The following LETM1 variants were observed in gnomAD, a reference collection of about 807,000 sequenced individuals.
The protein encoded by LETM1 is mitochondrial proton/calcium exchanger protein.
In LETM1, 50 loss-of-function variants were observed where a neutral mutation model predicts 74.5. That is an observed-to-expected ratio of 0.67 (90% CI 0.53 to 0.85). The LOEUF is 0.85. Among genes scored for constraint, LETM1 ranks in the 40% least tolerant of loss-of-function variants. LETM1 has a pLI of 0.00. For synonymous variants in LETM1, 446 were observed against 407.1 expected, an observed-to-expected ratio of 1.10 and a Z score of -1.15; for missense variants, 824 against 967.8, an observed-to-expected ratio of 0.85 and a Z score of 1.97.
intron 4 of LETM1, among the ~76,000 whole-genome samples, chr4:1,835,713 C>G (rs571119070): frequency 6.6e-6 from 1 of 152,290 alleles, no homozygotes; most frequent in Admixed American, 6.5e-5. Flanking sequence ...CTGGCTGACC[C>G]TGCCCTAGAA....
intron 7 of LETM1, 33 bp from the exon 8 acceptor site, chr4:1,823,808 G>A: frequency 6.3e-7 from 1 of 1,586,374 alleles, no homozygotes. Flanking sequence ...CAGATGGGCA[G>A]CCCCCCAACC....
intron 3 of LETM1, among the ~76,000 whole-genome samples, chr4:1,838,322 T>A (rs1712526954): frequency 6.6e-6 from 1 of 151,942 alleles, no homozygotes; most frequent in Admixed American, 6.5e-5. Flanking sequence ...ATGGTCTCGA[T>A]CTCTTGACCT....
At chr4:1,841,326 G>A (rs1303930808) in intron 3 of LETM1, 21 bp downstream of exon 3, 1 of 1,603,416 alleles carries the variant, frequency 6.2e-7, no homozygotes, top group Non-Finnish European at 8.5e-7. Flanking sequence ...GAAAAGAAAG[G>A]ACTAGACATG....
At chr4:1,830,343 T>A (rs1712221697) in intron 6 of LETM1, among the ~76,000 whole-genome samples, 1 of 152,222 alleles carries the variant, frequency 6.6e-6, no homozygotes, top group Admixed American at 6.5e-5. Context: ...CTTTTTCAAA[T>A]TTTTTTGAGA....
intron 2 of LETM1, among the ~76,000 whole-genome samples, chr4:1,848,358 C>G (rs1170598693): frequency 6.6e-6 from 1 of 151,998 alleles, no homozygotes; most frequent in Non-Finnish European, 1.5e-5. Context: ...ACCATCCTGG[C>G]TAACACGGTG....
Position 1,822,371 on chromosome 4 carries a change from C to T in LETM1, c.1477-59G>A, listed in dbSNP as rs1711812853. The T allele has an allele frequency of 6.5e-6, 9 of 1,380,970 alleles. No individual in the cohort carries two copies. The East Asian group carries it at 1.7e-4, about 25-fold the overall frequency. 85.5% of individuals were successfully genotyped at this position (1,380,970 alleles called of 1,614,324 possible). ...CCATCACACAGAAGCAGTCTTCTTG[C>T]TCCCCGAAGCTCAGAACATATGGCA... On this transcript the variant is annotated intron_variant, in intron 9 of 13. Coordinates refer to ENST00000302787, the MANE Select transcript of LETM1 (RefSeq NM_012318.3).
At position 1,834,672 on chromosome 4, in the gene LETM1, G is replaced by A. The variant is rs944015771; in HGVS notation, c.876+173C>T. 342 of 1,443,446 alleles carry A rather than the reference G, an allele frequency of 2.4e-4. 1 individual carries two copies. The highest frequency in any genetic ancestry group is 3.0e-4 in the Non-Finnish European group (331 of 1,102,582). The allele number at this position is 1,443,446 out of a possible 1,614,324, so 89.4% of individuals were successfully genotyped here. On this transcript the variant is annotated intron_variant, in intron 5 of 13. Transcript: ENST00000302787. This position sits in a 1 kb window ranked among gnomAD's most constrained non-coding sequence, Gnocchi z 5.0. ...CCACAGCTTAACTCACTGGGAGCTC[G>A]TGGGGGCAGACTCCTGACACTCCAC...
At chr4:1,848,421 G>A (rs975205338) in intron 2 of LETM1, among the ~76,000 whole-genome samples, 1 of 151,880 alleles carries the variant, frequency 6.6e-6, no homozygotes, top group Non-Finnish European at 1.5e-5. Context: ...GGTGGCGGGC[G>A]CCTGTAGTTC....
chr4:1,829,341 G>A (rs190640449), intron 6 of LETM1, among the ~76,000 whole-genome samples: 4,262 of 149,016 alleles, frequency 0.029, 202 homozygotes, highest in African/African-American at 0.1. Flanking sequence ...CTGGCCAGGC[G>A]GAGGGCTGAC....
Position 1,819,484 on chromosome 4 carries a change from A to T in LETM1, c.1609-12T>A, listed in dbSNP as rs1711696664. On this transcript the variant is annotated splice_polypyrimidine_tract_variant and intron_variant, in intron 10 of 13. Transcript: ENST00000302787. Reference sequence around the variant, plus strand: ...GTGATCTCTTCCTCCTGGGATAAAAATGGGCAAACAACAAAGCCTGAGCCA... The same window carrying T: ...GTGATCTCTTCCTCCTGGGATAAAATTGGGCAAACAACAAAGCCTGAGCCA... 1.2e-6 allele frequency: 2 copies of T among 1,608,982 alleles called. No homozygotes were observed. The highest frequency in any genetic ancestry group is 1.7e-6 in the Non-Finnish European group (2 of 1,177,602).
rs1269067802 is a variant in LETM1, at chr4:1,843,620, G to A, written c.144-1823C>T. Among the ~76,000 whole-genome samples, 3 of 152,344 alleles carry A rather than the reference G, an allele frequency of 2.0e-5. No individual in the cohort carries two copies. In the East Asian group the frequency reaches 5.8e-4, roughly 29 times the overall value. ...GAGGTTCTCAAGAATACGGGAAATA[G>A]ACACGTGGAAGGTGCCTGGTGGACA... On this transcript the variant is annotated intron_variant, in intron 2 of 13. Coordinates refer to ENST00000302787, the MANE Select transcript of LETM1 (RefSeq NM_012318.3).
Position 1,832,722 on chromosome 4 carries a change from C to T in LETM1, c.1080+22G>A, listed in dbSNP as rs144033695. 584 of 1,608,832 alleles carry T rather than the reference C, an allele frequency of 3.6e-4. 5 individuals are homozygous for T. In the South Asian group the frequency reaches 4.0e-3, roughly 11 times the overall value. On this transcript the variant is annotated intron_variant, in intron 6 of 13. Coordinates refer to ENST00000302787, the MANE Select transcript of LETM1 (RefSeq NM_012318.3). ...AAAAGGTAAAACACCAGAGCTGTGG[C>T]GCGGAGTATGGCCAGGCTCACCTTG... is the stretch of plus-strand genomic sequence containing the variant.
At chr4:1,838,041 G>A (rs1712515535) in intron 3 of LETM1, among the ~76,000 whole-genome samples, 1 of 152,036 alleles carries the variant, frequency 6.6e-6, no homozygotes, top group Non-Finnish European at 1.5e-5. Context: ...AAACACAAAA[G>A]CAGAACTGCA....
At chr4:1,833,134 T>G in intron 5 of LETM1, 187 bp from the exon 6 acceptor site, 1 of 590,440 alleles carries the variant, frequency 1.7e-6, no homozygotes, top group Admixed American at 2.9e-5. Flanking sequence ...TGCAGTGGTG[T>G]AATCTCGGTT....
intron 6 of LETM1, among the ~76,000 whole-genome samples, chr4:1,831,361 G>A (rs761055756): frequency 4.6e-5 from 7 of 152,228 alleles, no homozygotes; most frequent in Non-Finnish European, 7.3e-5. Flanking sequence ...CGCTGGGAAC[G>A]GGTGGGTGGG....
intron 2 of LETM1, among the ~76,000 whole-genome samples, chr4:1,844,913 C>T (rs1425810206): frequency 6.1e-5 from 9 of 147,892 alleles, no homozygotes; most frequent in African/African-American, 2.0e-4. Flanking sequence ...AAAAAAAGGC[C>T]AGGCACAGTG....
At chr4:1,815,874 T>TC in intron 12 of LETM1, 72 bp from the exon 13 acceptor site, 1 of 1,572,788 alleles carries the variant, frequency 6.4e-7, no homozygotes, top group Non-Finnish European at 8.7e-7. Context: ...CCCACACCTG[T>TC]GGCTGCAAGT....
At chr4:1,848,715 C>CAAAAAAA (rs927486416) in intron 2 of LETM1, among the ~76,000 whole-genome samples, 2 of 43,882 alleles carry the variant, frequency 4.6e-5, no homozygotes, top group Non-Finnish European at 8.5e-5. Flanking sequence ...GGCTCTGTCT[C>CAAAAAAA]AAAAAAAAAA....
intron 10 of LETM1, 33 bp downstream of exon 10, chr4:1,822,148 C>T (rs1003793123): frequency 4.4e-6 from 6 of 1,370,472 alleles, no homozygotes; most frequent in Middle Eastern, 2.2e-4. Context: ...ATGCCCTCCT[C>T]AGCCTCCAGG....
Sources: allele counts gnomAD v4.1 joint callset (sites outside exome capture counted in the v4.1 genomes callset), GRCh38; gene constraint gnomAD v4.1.1; non-coding constraint Gnocchi (gnomAD v3.1); transcripts MANE v1.5; gene names NCBI Gene and HGNC (gene_info 2026-07-23, HGNC 2026-07-21).